The following PAK1 variants were observed in gnomAD, a reference collection of about 807,000 sequenced individuals.
PAK1 encodes p21 (RAC1) activated kinase 1, also known as serine/threonine-protein kinase PAK 1.
In PAK1, 29 loss-of-function variants were observed where a neutral mutation model predicts 67.4. The ratio of observed to expected loss-of-function variants is 0.43; its 90% CI spans 0.32 to 0.59. The LOEUF (loss-of-function observed/expected upper bound fraction) is 0.59, where lower values mean the gene tolerates loss of function less well. PAK1 is among the 20% of genes least tolerant of loss of function. The pLI is 0.07. For synonymous variants in PAK1, 223 were observed against 237.4 expected (o/e 0.94, Z 0.56); for missense variants, 337 against 670.7 (o/e 0.50, Z 5.50).
the PAK1 span, among the ~76,000 whole-genome samples, chr11:77,491,057 C>G: frequency 1.3e-5 from 2 of 151,432 alleles, no homozygotes; most frequent in East Asian, 3.9e-4. Context: ...ATCTGCTGAC[C>G]TTCCCTCCAC....
intron 5 of PAK1, among the ~76,000 whole-genome samples, chr11:77,367,365 C>T (rs1454190649): frequency 1.3e-5 from 2 of 152,082 alleles, no homozygotes; most frequent in African/African-American, 2.4e-5. Context: ...AGGAAAACCT[C>T]TAACATAAAA....
intron 1 of PAK1, among the ~76,000 whole-genome samples, chr11:77,421,914 G>C (rs1052789289): frequency 1.3e-5 from 2 of 152,166 alleles, no homozygotes; most frequent in Non-Finnish European, 2.9e-5. Context: ...CCCCTCAGCA[G>C]AGAAGATACA....
At chr11:77,464,309 C>T (rs762453265) in intron 1 of PAK1, among the ~76,000 whole-genome samples, 1 of 152,332 alleles carries the variant, frequency 6.6e-6, no homozygotes, top group South Asian at 2.1e-4. Flanking sequence ...ATGCACATCT[C>T]AGTTTAAAAG....
chr11:77,388,742 T>C (rs1950768256), intron 2 of PAK1, among the ~76,000 whole-genome samples: 1 of 152,200 alleles, frequency 6.6e-6, no homozygotes, highest in African/African-American at 2.4e-5. Flanking sequence ...TACAGAGAAA[T>C]AATTGACCCA....
the PAK1 span, among the ~76,000 whole-genome samples, chr11:77,505,615 C>T: frequency 2.0e-5 from 3 of 152,220 alleles, no homozygotes; most frequent in African/African-American, 7.2e-5. Context: ...CTTTTTGCCT[C>T]TATGAATTTG....
At chr11:77,441,552 A>G (rs1218336355) in intron 1 of PAK1, among the ~76,000 whole-genome samples, 1 of 152,012 alleles carries the variant, frequency 6.6e-6, no homozygotes, top group Non-Finnish European at 1.5e-5. Flanking sequence ...GCCTCTTCTC[A>G]CCTCCCAACC....
intron 5 of PAK1, among the ~76,000 whole-genome samples, chr11:77,372,145 T>C (rs906060541): frequency 5.9e-5 from 9 of 152,254 alleles, no homozygotes; most frequent in African/African-American, 2.2e-4. Context: ...AGGCACTCAA[T>C]ATTGATAGCT....
intron 5 of PAK1, among the ~76,000 whole-genome samples, chr11:77,363,543 C>A (rs1228565841): frequency 6.6e-6 from 1 of 152,226 alleles, no homozygotes; most frequent in Non-Finnish European, 1.5e-5. Context: ...ATAACCACTG[C>A]TTTCACTTAG....
chr11:77,395,393 AT>A lies in PAK1; in HGVS notation c.-21-2853del. On this transcript the variant is annotated intron_variant, in intron 1 of 14. Transcript: ENST00000356341. ...TATCTAGCTCATAGTGAACTCAAATATTTTAATTAATCAAACTTTGCATAAA... is the reference window on the plus strand; with the variant it reads ...TATCTAGCTCATAGTGAACTCAAATATTTAATTAATCAAACTTTGCATAAA... 2.0e-5 allele frequency among the ~76,000 whole-genome samples: 3 copies of A among 152,304 alleles called. No individual in the cohort carries two copies. The East Asian group carries it at 5.8e-4, about 29-fold the overall frequency.
intron 2 of PAK1, among the ~76,000 whole-genome samples, chr11:77,390,339 T>G (rs1950972823): frequency 6.6e-6 from 1 of 152,094 alleles, no homozygotes; most frequent in Non-Finnish European, 1.5e-5. Flanking sequence ...TAGCTGGGAT[T>G]ATAGGCGCCT....
chr11:77,392,498 A>C lies in PAK1; in HGVS notation c.23T>G (p.Ile8Ser), dbSNP rs200229390. The change falls in exon 2 of 15, where the codon ATT becomes AGT. Residue 8 changes from isoleucine (I) to serine (S), a missense_variant. By Grantham distance (142) the Ile-to-Ser change is moderately radical (BLOSUM62 -2). This residue lies in a region of PAK1 where 27 missense variants were observed against 37.0 expected (regional missense o/e 0.73). Coordinates refer to ENST00000356341, the MANE Select transcript of PAK1 (RefSeq NM_002576.5). ...CGGAGGGGCTGGGGGTTTGTCTTGA[A>C]TGTCTAGGCCGTTATTTGACATTGT... MSNNGLD[I>S]QDKPPAPPMR... is the part of the protein sequence containing the mutation. 7 of 1,611,504 alleles carry C rather than the reference A, an allele frequency of 4.3e-6. No individual in the cohort carries two copies. In the South Asian group the frequency reaches 7.7e-5, roughly 18 times the overall value.
chr11:77,371,204 C>T (rs1565628117), intron 5 of PAK1, among the ~76,000 whole-genome samples: 1 of 152,110 alleles, frequency 6.6e-6, no homozygotes, highest in Non-Finnish European at 1.5e-5. Flanking sequence ...GACCAGTGAA[C>T]CACAGATAAC....
intron 5 of PAK1, among the ~76,000 whole-genome samples, chr11:77,370,792 T>C (rs1357027751): frequency 6.6e-6 from 1 of 152,226 alleles, no homozygotes; most frequent in Non-Finnish European, 1.5e-5. Flanking sequence ...CAGTTTACTA[T>C]CTTGATCCAA....
At chr11:77,357,155 A>G (rs1178142345) in intron 6 of PAK1, among the ~76,000 whole-genome samples, 5 of 152,214 alleles carry the variant, frequency 3.3e-5, no homozygotes, top group African/African-American at 1.2e-4. Context: ...TTTATCTATG[A>G]TGATCATTTA....
At chr11:77,325,523 T>C (rs1382043682) in intron 14 of PAK1, 1 of 807,056 alleles carries the variant, frequency 1.2e-6, no homozygotes, top group African/African-American at 1.7e-5. Flanking sequence ...GTTATATTAC[T>C]ATATCAGGAA....
chr11:77,324,398 C>T (rs1939191643), intron 14 of PAK1, among the ~76,000 whole-genome samples: 1 of 152,056 alleles, frequency 6.6e-6, no homozygotes, highest in African/African-American at 2.4e-5. Context: ...GTCTCAAACT[C>T]CTGACCTCAA....
chr11:77,459,991 C>T (rs924508348), intron 1 of PAK1, among the ~76,000 whole-genome samples: 35 of 151,654 alleles, frequency 2.3e-4, no homozygotes, highest in African/African-American at 8.2e-4. Context: ...CCACCGCGCC[C>T]GGCGTGGGGC....
intron 10 of PAK1, among the ~76,000 whole-genome samples, chr11:77,342,947 G>A (rs1330537551): frequency 6.6e-6 from 1 of 150,490 alleles, no homozygotes; most frequent in African/African-American, 2.4e-5. Flanking sequence ...GCTAGATATT[G>A]GTGCTAGGAA....
rs546514396 is a variant in PAK1, at chr11:77,350,827, TA to T, written c.837-1541del. Among the ~76,000 whole-genome samples, 560 of 152,274 alleles carry T rather than the reference TA, an allele frequency of 3.7e-3. 5 individuals are homozygous for T. The highest frequency in any genetic ancestry group is 0.013 in the African/African-American group (521 of 41,550). On this transcript the variant is annotated intron_variant, in intron 8 of 14. Transcript: ENST00000356341. ...GGATTGGATGACTTGTACAGGCAGT[TA>T]TTTCTTCACTGCCTGATTATCCTGC...
Sources: gnomAD v4.1 joint callset for allele counts (sites outside exome capture counted in the v4.1 genomes callset) on GRCh38, gnomAD v4.1.1 for gene constraint, gnomAD v4.1.1 regional missense constraint, MANE v1.5 for transcripts, NCBI Gene and HGNC (gene_info 2026-07-23, HGNC 2026-07-21) for gene names.